The following DENND1A variants were observed in gnomAD, a reference collection of about 807,000 sequenced individuals.
The protein encoded by DENND1A is DENN domain containing 1A, also known as DENN domain-containing protein 1A.
Under a neutral mutation model 113.7 loss-of-function variants are expected in DENND1A, and 51 were observed. That is an observed-to-expected ratio of 0.45 (90% confidence interval 0.36 to 0.57). The LOEUF (loss-of-function observed/expected upper bound fraction) is 0.57, where lower values mean the gene tolerates loss of function less well. DENND1A is among the 20% of genes least tolerant of loss of function. The pLI, the probability that DENND1A is intolerant of heterozygous loss-of-function variation, is 0.00. For synonymous variants in DENND1A, 565 were observed against 570.8 expected (o/e 0.99, Z 0.14); for missense variants, 1,258 against 1,395.9 (o/e 0.90, Z 1.57).
intron 1 of DENND1A, among the ~76,000 whole-genome samples, chr9:123,887,395 A>G: frequency 6.6e-6 from 1 of 152,094 alleles, no homozygotes; most frequent in East Asian, 1.9e-4. Flanking sequence ...GATGAGGAAG[A>G]CATCTACTCA....
intron 2 of DENND1A, among the ~76,000 whole-genome samples, chr9:123,834,168 T>C (rs1407210195): frequency 6.6e-6 from 1 of 152,180 alleles, no homozygotes; most frequent in Non-Finnish European, 1.5e-5. Flanking sequence ...TTTGATACCT[T>C]TGCCAAAAGA....
At chr9:123,795,890 C>T (rs1383205429) in intron 2 of DENND1A, among the ~76,000 whole-genome samples, 1 of 152,112 alleles carries the variant, frequency 6.6e-6, no homozygotes, top group South Asian at 2.1e-4. Flanking sequence ...AGGCGATTGG[C>T]AGTAAGAATA....
At chr9:123,500,449 C>T (rs956529500) in intron 13 of DENND1A, among the ~76,000 whole-genome samples, 4 of 152,124 alleles carry the variant, frequency 2.6e-5, no homozygotes, top group Non-Finnish European at 5.9e-5. Flanking sequence ...ATATTCAGTC[C>T]AAGAAAGAAA....
intron 5 of DENND1A, among the ~76,000 whole-genome samples, chr9:123,732,834 A>G (rs1378086943): frequency 1.3e-5 from 2 of 152,202 alleles, no homozygotes; most frequent in Non-Finnish European, 2.9e-5. Flanking sequence ...TTGGCAAGTT[A>G]CTTAATCTGT....
chr9:123,577,511 C>T (rs1426863854), intron 12 of DENND1A, among the ~76,000 whole-genome samples: 1 of 152,170 alleles, frequency 6.6e-6, no homozygotes, highest in African/African-American at 2.4e-5. Context: ...TTTCCTCATT[C>T]TCAACATGTC....
chr9:123,414,013 G>A (rs2044520254), intron 19 of DENND1A: 2 of 989,538 alleles, frequency 2.0e-6, no homozygotes, highest in Admixed American at 1.2e-4. Flanking sequence ...ATCTTCTCCA[G>A]CCCCACTGTC....
intron 21 of DENND1A, among the ~76,000 whole-genome samples, chr9:123,388,315 T>C (rs1325964548): frequency 6.6e-6 from 1 of 152,190 alleles, no homozygotes; most frequent in African/African-American, 2.4e-5. Flanking sequence ...CATCTGCTTA[T>C]GGAAAAATTC....
At chr9:123,640,161 A>T (rs2061952392) in intron 9 of DENND1A, among the ~76,000 whole-genome samples, 1 of 152,234 alleles carries the variant, frequency 6.6e-6, no homozygotes, top group Non-Finnish European at 1.5e-5. Flanking sequence ...TAGAGAGAGA[A>T]AGATCAAAAT....
chr9:123,924,629 G>A (rs1856786045), intron 1 of DENND1A, among the ~76,000 whole-genome samples: 1 of 151,092 alleles, frequency 6.6e-6, no homozygotes, highest in South Asian at 2.1e-4. Context: ...CCAGCCTGGG[G>A]GACAGAGTGA....
At chr9:123,802,705 CTTTTTTT>C (rs559650822) in intron 2 of DENND1A, among the ~76,000 whole-genome samples, 1 of 144,718 alleles carries the variant, frequency 6.9e-6, no homozygotes, top group South Asian at 2.2e-4. Context: ...TCACTACTGC[CTTTTTTT>C]TTTTTTTGAC....
At chr9:123,907,730 A>G (rs1853142307) in intron 1 of DENND1A, among the ~76,000 whole-genome samples, 1 of 148,640 alleles carries the variant, frequency 6.7e-6, no homozygotes, top group Admixed American at 6.7e-5. Context: ...TTCCATGCTC[A>G]TAGGTAGGAA....
chr9:123,551,952 G>A (rs1442762943), intron 13 of DENND1A, among the ~76,000 whole-genome samples: 3 of 151,838 alleles, frequency 2.0e-5, no homozygotes, highest in African/African-American at 7.3e-5. Flanking sequence ...CCCCCAGCCA[G>A]CTGCATTCTG....
chr9:123,757,584 C>T, intron 5 of DENND1A, 119 bp downstream of exon 5: 1 of 1,427,348 alleles, frequency 7.0e-7, no homozygotes, highest in Non-Finnish European at 9.5e-7. Context: ...AATGCAGTGA[C>T]TTGTGGGAAA....
At chr9:123,391,065 G>A (rs1015751901) in intron 21 of DENND1A, among the ~76,000 whole-genome samples, 3 of 152,256 alleles carry the variant, frequency 2.0e-5, no homozygotes, top group African/African-American at 4.8e-5. Context: ...ACAATCCAGC[G>A]CTGCCCACAC....
At chr9:123,791,010 T>C (rs961526308) in intron 3 of DENND1A, among the ~76,000 whole-genome samples, 4 of 152,184 alleles carry the variant, frequency 2.6e-5, no homozygotes, top group African/African-American at 9.6e-5. Flanking sequence ...ATATTACCCA[T>C]GCAGTTTTTT....
At chr9:123,891,717 A>C (rs1313636712) in intron 1 of DENND1A, among the ~76,000 whole-genome samples, 2 of 152,218 alleles carry the variant, frequency 1.3e-5, no homozygotes, top group Non-Finnish European at 2.9e-5. Context: ...GTATATAACA[A>C]ATTTACTGGA....
intron 5 of DENND1A, among the ~76,000 whole-genome samples, chr9:123,680,694 G>A (rs79688741): frequency 2.1e-3 from 321 of 152,348 alleles, no homozygotes; most frequent in African/African-American, 7.4e-3. Context: ...ACACGTGGAT[G>A]ACTGGCCTTG....
chr9:123,568,198 C>T (rs10119497), intron 12 of DENND1A, among the ~76,000 whole-genome samples: 64,775 of 152,032 alleles, frequency 0.43, 14,313 homozygotes, highest in African/African-American at 0.54. Context: ...CTTTACAGTA[C>T]ATGGATTTAC....
chr9:123,477,753 TA>T (rs112229962), intron 13 of DENND1A, among the ~76,000 whole-genome samples: 8,945 of 147,370 alleles, frequency 0.061, 863 homozygotes, highest in African/African-American at 0.21. Context: ...AAAAAATAAT[TA>T]AAAAAAAAAA....
Sources: gnomAD v4.1 joint callset for allele counts (sites outside exome capture counted in the v4.1 genomes callset) on GRCh38, gnomAD v4.1.1 for gene constraint, MANE v1.5 for transcripts, NCBI Gene and HGNC (gene_info 2026-07-23, HGNC 2026-07-21) for gene names.